Variants in ANKRD30BL observed in about 807,000 individuals in gnomAD.
ANKRD30BL encodes ankyrin repeat domain 30B like, also known as putative ankyrin repeat domain-containing protein 30B-like.
Under a neutral mutation model 18.4 loss-of-function variants are expected in ANKRD30BL, and 20 were observed. That is an observed-to-expected ratio of 1.09 (90% CI 0.77 to 1.58). ANKRD30BL has a LOEUF of 1.58. ANKRD30BL is among the 40% of genes most tolerant of loss of function. The pLI, the probability that ANKRD30BL is intolerant of heterozygous loss-of-function variation, is 0.00. For missense variants in ANKRD30BL, 224 were observed against 268.6 expected (o/e 0.83, Z 1.16); for synonymous variants, 72 against 100.9 (o/e 0.71, Z 1.72).
intron 1 of ANKRD30BL, among the ~76,000 whole-genome samples, chr2:132,248,495 T>G (rs1680561774): frequency 6.6e-6 from 1 of 152,192 alleles, no homozygotes; most frequent in African/African-American, 2.4e-5. Flanking sequence ...CTTTGCAGAT[T>G]CTCTGAAAAG....
intron 3 of ANKRD30BL, chr2:132,156,329 C>A (rs912442200): frequency 1.3e-5 from 2 of 151,970 alleles, no homozygotes; most frequent in African/African-American, 4.8e-5. Flanking sequence ...TAGAAGACAA[C>A]CCCATTATTA....
At chr2:132,195,580 C>T (rs1004435111) in intron 1 of ANKRD30BL, among the ~76,000 whole-genome samples, 8 of 151,618 alleles carry the variant, frequency 5.3e-5, no homozygotes, top group Non-Finnish European at 8.8e-5. Flanking sequence ...CATCTGAGGT[C>T]GGGAGTTCAA....
At chr2:132,218,792 TG>T (rs1234810382) in intron 1 of ANKRD30BL, among the ~76,000 whole-genome samples, 5 of 151,988 alleles carry the variant, frequency 3.3e-5, no homozygotes, top group Admixed American at 6.6e-5. Flanking sequence ...TCATTGGAAA[TG>T]GGAATATCTT....
At chr2:132,232,792 C>T (rs1463465083) in intron 1 of ANKRD30BL, among the ~76,000 whole-genome samples, 1 of 152,072 alleles carries the variant, frequency 6.6e-6, no homozygotes, top group African/African-American at 2.4e-5. Flanking sequence ...CTTCCCCAAT[C>T]TAGCAAGGCA....
At chr2:132,218,352 C>G (rs1333231059) in intron 1 of ANKRD30BL, among the ~76,000 whole-genome samples, 1 of 152,236 alleles carries the variant, frequency 6.6e-6, no homozygotes, top group Non-Finnish European at 1.5e-5. Flanking sequence ...ATTCAACTCA[C>G]AGAGTTGAAC....
intron 1 of ANKRD30BL, among the ~76,000 whole-genome samples, chr2:132,208,473 G>A (rs1193782740): frequency 6.6e-6 from 1 of 152,120 alleles, no homozygotes; most frequent in Non-Finnish European, 1.5e-5. Flanking sequence ...ACCGGATGCT[G>A]TCCATGTATT....
chr2:132,257,155 A>G, intron 1 of ANKRD30BL: 1 of 450,270 alleles, frequency 2.2e-6, no homozygotes, highest in South Asian at 1.6e-5. Flanking sequence ...ACCTAACGCC[A>G]GGGCCACGTT....
chr2:132,225,735 C>G (rs1679826876), intron 1 of ANKRD30BL, among the ~76,000 whole-genome samples: 1 of 151,980 alleles, frequency 6.6e-6, no homozygotes, highest in Non-Finnish European at 1.5e-5. Flanking sequence ...CAGAATTGAA[C>G]CTTTCTTTTG....
chr2:132,219,261 C>T (rs1422230109), intron 1 of ANKRD30BL, among the ~76,000 whole-genome samples: 1 of 151,818 alleles, frequency 6.6e-6, no homozygotes, highest in Non-Finnish European at 1.5e-5. Flanking sequence ...TTCACAGGAT[C>T]TGCAAGTGGA....
At chr2:132,256,131 G>A (rs78325658) in intron 1 of ANKRD30BL, among the ~76,000 whole-genome samples, 28 of 152,350 alleles carry the variant, frequency 1.8e-4, no homozygotes, top group Admixed American at 1.6e-3. Context: ...CCAGCCCTGC[G>A]TACTTAGACA....
intron 1 of ANKRD30BL, among the ~76,000 whole-genome samples, chr2:132,174,873 G>A (rs1688334589): frequency 6.6e-6 from 1 of 152,166 alleles, no homozygotes; most frequent in Admixed American, 6.5e-5. Context: ...TTTTTAAAGA[G>A]AATTAAGGGC....
intron 1 of ANKRD30BL, among the ~76,000 whole-genome samples, chr2:132,232,705 CT>C: frequency 6.6e-6 from 1 of 152,170 alleles, no homozygotes; most frequent in Non-Finnish European, 1.5e-5. Flanking sequence ...AAATCTACTT[CT>C]GATTGGTGTA....
At chr2:132,177,023 G>A in intron 1 of ANKRD30BL, among the ~76,000 whole-genome samples, 1 of 152,128 alleles carries the variant, frequency 6.6e-6, no homozygotes, top group African/African-American at 2.4e-5. Flanking sequence ...CAGAAAATGA[G>A]CTTAATTCAT....
rs540794039 is a variant in ANKRD30BL at position 132,182,980 on chromosome 2, G to A, written n.442-25834C>T. 7.8e-3 allele frequency among the ~76,000 whole-genome samples: 1,179 copies of A among 152,040 alleles called. 5 individuals are homozygous for A. Among genetic ancestry groups the A allele is most frequent in the Non-Finnish European group, 0.012 (838 of 67,984 alleles). ...ATATATTTGAAAGATTTTTATTGTA[G>A]TGAAAAATATATATAAAATAAAAAA... On this transcript the variant is annotated intron_variant and non_coding_transcript_variant, in intron 1 of 4. Transcript: ENST00000470729.
chr2:132,205,444 A>G (rs981509150), intron 1 of ANKRD30BL, among the ~76,000 whole-genome samples: 4 of 150,352 alleles, frequency 2.7e-5, no homozygotes, highest in African/African-American at 1.0e-4. Context: ...TCTACTAAAA[A>G]TACAAAATTA....
chr2:132,180,404 G>A (rs534991729), intron 1 of ANKRD30BL, among the ~76,000 whole-genome samples: 5 of 152,292 alleles, frequency 3.3e-5, no homozygotes, highest in African/African-American at 1.2e-4. Context: ...CTATGTTTGT[G>A]TAAGTACACT....
Position 132,239,999 on chromosome 2 carries a change from G to C in ANKRD30BL, n.441+17530C>G, listed in dbSNP as rs565729059. ...GAATATCTTCACATAAAACTAGACAGAAGCATTCTCAGAAACTTCTTGTGA... is the reference window on the plus strand; with the variant it reads ...GAATATCTTCACATAAAACTAGACACAAGCATTCTCAGAAACTTCTTGTGA... On this transcript the variant is annotated intron_variant and non_coding_transcript_variant, in intron 1 of 4. Coordinates refer to the ANKRD30BL transcript ENST00000470729. Among the ~76,000 whole-genome samples, 1,411 of 152,002 alleles carry C rather than the reference G, an allele frequency of 9.3e-3. 24 individuals carry two copies. The highest frequency in any genetic ancestry group is 0.032 in the African/African-American group (1,308 of 41,518).
At chr2:132,194,055 TCACA>T (rs373251947) in intron 1 of ANKRD30BL, among the ~76,000 whole-genome samples, 35 of 127,756 alleles carry the variant, frequency 2.7e-4, no homozygotes, top group African/African-American at 7.4e-4. Context: ...TCTCTCTCTC[TCACA>T]CACACACACA....
rs574453267 is a variant in ANKRD30BL at position 132,215,421 on chromosome 2, G to T, written n.441+42108C>A. On this transcript the variant is annotated intron_variant and non_coding_transcript_variant, in intron 1 of 4. Coordinates refer to the ANKRD30BL transcript ENST00000470729. ...GTGATATGTGCATTCATCTCACAGA[G>T]TTGAACCTTACTTTTGATTAAGCAG... is the stretch of plus-strand genomic sequence containing the variant. Among the ~76,000 whole-genome samples the T allele has an allele frequency of 2.0e-5, 3 of 152,342 alleles. No individual in the cohort carries two copies. In the South Asian group the frequency reaches 6.2e-4, roughly 32 times the overall value.
Sources: allele counts gnomAD v4.1 joint callset (sites outside exome capture counted in the v4.1 genomes callset), GRCh38; gene constraint gnomAD v4.1.1; transcripts MANE v1.5; gene names NCBI Gene and HGNC (gene_info 2026-07-23, HGNC 2026-07-21).